The following EPHA10 variants were observed in gnomAD, a reference collection of about 807,000 sequenced individuals.
EPHA10 encodes ephrin type-A receptor 10.
EPHA10 carries 120 observed loss-of-function variants against 109.7 expected under a neutral mutation model. The observed-to-expected ratio is 1.09, with a 90% CI of 0.94 to 1.27. EPHA10 has a LOEUF of 1.27. Among genes scored for constraint, EPHA10 ranks in the 50% most tolerant of loss-of-function variants. The probability of loss-of-function intolerance (pLI) is 0.00; values close to 1 mark genes in which losing one functional copy is unlikely to be tolerated. For missense variants in EPHA10, 1,396 were observed against 1,411.1 expected, an observed-to-expected ratio of 0.99 and a Z score of 0.17; for synonymous variants, 640 against 618.9, an observed-to-expected ratio of 1.03 and a Z score of -0.51.
rs200540751 is a variant in EPHA10, at chr1:37,720,506, C to T, written c.2257G>A (p.Gly753Arg). ...AGATACTTCATGGCTGATGCCAGCC[C>T]AGGCAGCAACCCCATCAGTTGCCCA... ...VAGQLMGLLP[G>R]LASAMKYLSE... Residue 753 changes from glycine to arginine, a missense_variant, in exon 13 of 17, where the codon GGG becomes AGG. By Grantham distance (125) the Gly-to-Arg change is moderately radical (BLOSUM62 -2). Coordinates refer to ENST00000373048, the MANE Select transcript of EPHA10 (RefSeq NM_001099439.2). The T allele has an allele frequency of 1.2e-4, 190 of 1,613,124 alleles. 2 individuals carry two copies. The South Asian group carries it at 2.0e-3, about 17-fold the overall frequency.
In EPHA10 at chr1:37,716,689, T is replaced by A. The variant is rs1569602873; in HGVS notation, c.*1683A>T. Reference sequence around the variant, plus strand: ...ACTGCACCTTCCCGCCTCTGGGCTCTTTCTCATGCTAGCCTCTCTGCATGG... The same window carrying A: ...ACTGCACCTTCCCGCCTCTGGGCTCATTCTCATGCTAGCCTCTCTGCATGG... On this transcript the variant is annotated 3_prime_UTR_variant, in exon 17 of 17. Coordinates refer to ENST00000373048, the MANE Select transcript of EPHA10 (RefSeq NM_001099439.2). 4 of 232,850 alleles carry A rather than the reference T, an allele frequency of 1.7e-5. No individual in the cohort carries two copies. In the East Asian group the frequency reaches 2.4e-4, roughly 14 times the overall value. 14.4% of individuals were successfully genotyped at this position (232,850 alleles called of 1,614,324 possible). A position where few individuals can be genotyped will look rare whatever the true frequency, so the allele number is the denominator to read the frequency against.
chr1:37,742,253 C>G (rs1646166359), intron 5 of EPHA10, among the ~76,000 whole-genome samples: 1 of 152,208 alleles, frequency 6.6e-6, no homozygotes, highest in Non-Finnish European at 1.5e-5. Flanking sequence ...GCCTTGTCCC[C>G]CTTTCCTGCT....
intron 3 of EPHA10, among the ~76,000 whole-genome samples, chr1:37,756,375 C>G (rs941899038): frequency 2.0e-5 from 3 of 152,296 alleles, no homozygotes; most frequent in Admixed American, 2.0e-4. Context: ...GCTCCCTCCC[C>G]ACAAGTGTAT....
At chr1:37,721,895 G>A (rs1439785728) in intron 10 of EPHA10, 50 bp from the exon 11 acceptor site, 3 of 1,448,532 alleles carry the variant, frequency 2.1e-6, no homozygotes, top group African/African-American at 2.9e-5. Context: ...TGCCCTGGCT[G>A]AGCTGGGCAG....
intron 15 of EPHA10, 40 bp downstream of exon 15, chr1:37,719,374 C>T (rs746123800): frequency 1.6e-5 from 25 of 1,597,888 alleles, no homozygotes; most frequent in Middle Eastern, 1.7e-4. Flanking sequence ...AGGCCCTCCA[C>T]GGACAGGTGA....
chr1:37,716,400 G>T lies in EPHA10; in HGVS notation c.*1972C>A. 1 of 235,108 alleles carries T rather than the reference G, an allele frequency of 4.3e-6. No homozygotes were observed. The highest frequency in any genetic ancestry group is 8.4e-6 in the Non-Finnish European group (1 of 119,456). The allele number at this position is 235,108 out of a possible 1,614,324, so 14.6% of individuals were successfully genotyped here. A position where few individuals can be genotyped will look rare whatever the true frequency, so the allele number is the denominator to read the frequency against. On this transcript the variant is annotated 3_prime_UTR_variant, in exon 17 of 17. Transcript: ENST00000373048. ...TCCATCCACCCAAGAAGGGATGCTG[G>T]TCCAGGCTTCCCAGGAGGGGTGGGG...
intron 3 of EPHA10, among the ~76,000 whole-genome samples, chr1:37,756,256 A>G (rs1646391857): frequency 1.3e-5 from 2 of 152,188 alleles, no homozygotes; most frequent in Non-Finnish European, 1.5e-5. Flanking sequence ...TCAAATAGGA[A>G]TAACAACCAT....
rs1161939257 is a variant in EPHA10, at chr1:37,733,218, G to T, written c.1492-1636C>A. On this transcript the variant is annotated intron_variant, in intron 6 of 16. Transcript: ENST00000373048. ...TTGTTCCTTCTTTTTTGTTGTTTTT[G>T]GGGGTTTTGGTGGGTTTTTTTGAGA... is the stretch of plus-strand genomic sequence containing the variant. Among the ~76,000 whole-genome samples the T allele has an allele frequency of 2.6e-5, 4 of 151,718 alleles. No individual in the cohort carries two copies. The South Asian group carries it at 8.3e-4, about 32-fold the overall frequency.
chr1:37,757,843 C>T (rs1036636733), intron 3 of EPHA10, among the ~76,000 whole-genome samples: 1 of 152,180 alleles, frequency 6.6e-6, no homozygotes, highest in African/African-American at 2.4e-5. Context: ...TCCCTCCCAC[C>T]TTATAGGGAG....
rs777507004 is a variant in EPHA10 at position 37,761,574 on chromosome 1, C to G, written c.681G>C (p.Glu227Asp). The G allele has an allele frequency of 4.4e-6, 7 of 1,598,636 alleles. No homozygotes were observed. Among genetic ancestry groups the G allele is most frequent in the Non-Finnish European group, 5.9e-6 (7 of 1,176,748 alleles). The change falls in exon 3 of 17, where the codon GAG becomes GAC. Residue 227 changes from glutamate (E) to aspartate (D), a missense_variant. Coordinates refer to ENST00000373048, the MANE Select transcript of EPHA10 (RefSeq NM_001099439.2). The part of the protein sequence containing the change: ...GLATFPATAA[E>D]SAFSTLVEVA... ...CTTCCACCAGTGTGGAGAAGGCGCT[C>G]TCGGCTGCGGTGGCTGGGAACGTGG... is the stretch of plus-strand genomic sequence containing the variant.
chr1:37,738,390 CAAG>C (rs1308241935), intron 5 of EPHA10, among the ~76,000 whole-genome samples: 2 of 151,940 alleles, frequency 1.3e-5, no homozygotes, highest in Non-Finnish European at 2.9e-5. Context: ...TACAAAAGGC[CAAG>C]AAGCACATGA....
chr1:37,748,641 A>G (rs1646275120), intron 5 of EPHA10, among the ~76,000 whole-genome samples: 1 of 152,170 alleles, frequency 6.6e-6, no homozygotes, highest in Admixed American at 6.6e-5. Context: ...AAAACATCCA[A>G]AGAATAATAT....
At chr1:37,719,290 G>A (rs556746853) in intron 15 of EPHA10, 124 bp downstream of exon 15, 6 of 1,146,106 alleles carry the variant, frequency 5.2e-6, no homozygotes, top group African/African-American at 3.1e-5. Context: ...GCCCTCTGGG[G>A]CAATGGGGTG....
chr1:37,722,896 G>T, intron 10 of EPHA10, 145 bp downstream of exon 10: 1 of 1,219,090 alleles, frequency 8.2e-7, no homozygotes, highest in Non-Finnish European at 1.2e-6. Context: ...GGGTGGGCTT[G>T]GTGTGGAGGC....
chr1:37,714,351 A>T (rs1645662526), downstream of EPHA10, among the ~76,000 whole-genome samples: 1 of 152,182 alleles, frequency 6.6e-6, no homozygotes. Context: ...ACGTGTGTCC[A>T]TGAGTACATA....
chr1:37,720,686 G>A lies in EPHA10; in HGVS notation c.2208+97C>T, dbSNP rs963248837. ...ACCACAGGTCAGCCCGGCCAGTGGG[G>A]ATGATGCCAATTCCAAGCCCTACCA... On this transcript the variant is annotated intron_variant, in intron 12 of 16. Coordinates refer to ENST00000373048, the MANE Select transcript of EPHA10 (RefSeq NM_001099439.2). The A allele has an allele frequency of 6.8e-5, 105 of 1,551,954 alleles. No individual in the cohort carries two copies. The African/African-American group carries it at 1.3e-3, about 19-fold the overall frequency.
intron 6 of EPHA10, 140 bp from the exon 7 acceptor site, chr1:37,731,722 C>G: frequency 2.3e-6 from 2 of 863,662 alleles, no homozygotes; most frequent in Non-Finnish European, 3.4e-6. Context: ...CCTCAATCAT[C>G]TTGGGGTTTC....
chr1:37,757,155 A>T (rs972313985), intron 3 of EPHA10, among the ~76,000 whole-genome samples: 2 of 152,136 alleles, frequency 1.3e-5, no homozygotes, highest in African/African-American at 4.8e-5. Flanking sequence ...TACTTGTTAT[A>T]TGCCCTGATT....
downstream of EPHA10, chr1:37,714,006 T>TC (rs1423754420): frequency 6.6e-6 from 1 of 152,212 alleles, no homozygotes; most frequent in Admixed American, 6.5e-5. Flanking sequence ...TGGTAGGACA[T>TC]CTTACACTCA....
Sources: gnomAD v4.1 joint callset for allele counts (sites outside exome capture counted in the v4.1 genomes callset) on GRCh38, gnomAD v4.1.1 for gene constraint, MANE v1.5 for transcripts, NCBI Gene and HGNC (gene_info 2026-07-23, HGNC 2026-07-21) for gene names.